Variants in CPNE1 observed in about 807,000 individuals in gnomAD.
CPNE1 encodes copine 1.
In CPNE1, 58 loss-of-function variants were observed where a neutral mutation model predicts 63.2. The observed-to-expected ratio is 0.92, with a 90% confidence interval of 0.74 to 1.14. CPNE1 has a LOEUF of 1.14. CPNE1 is among the 50% of genes most tolerant of loss of function. The pLI, the probability that CPNE1 is intolerant of heterozygous loss-of-function variation, is 0.00. For synonymous variants in CPNE1, 237 were observed against 249.0 expected (o/e 0.95, Z 0.45); for missense variants, 672 against 661.7 (o/e 1.02, Z -0.17).
intron 1 of CPNE1, among the ~76,000 whole-genome samples, chr20:35,646,109 C>G (rs1472459927): frequency 6.8e-6 from 1 of 147,980 alleles, no homozygotes; most frequent in Non-Finnish European, 1.5e-5. Context: ...CAGCAATTAC[C>G]TCATCTCTAC....
At chr20:35,658,491 C>T (rs1396787533) in intron 1 of CPNE1, among the ~76,000 whole-genome samples, 3 of 151,944 alleles carry the variant, frequency 2.0e-5, no homozygotes, top group African/African-American at 7.3e-5. Context: ...GCCTGGGTGG[C>T]GGCTCATGCC....
intron 14 of CPNE1, 71 bp downstream of exon 14, chr20:35,627,209 A>AAAAAAAT: frequency 2.4e-6 from 3 of 1,259,730 alleles, no homozygotes; most frequent in Non-Finnish European, 3.2e-6. Flanking sequence ...AAAAAAAAAA[A>AAAAAAAT]GTCCTTTGTT....
intron 1 of CPNE1, chr20:35,653,954 C>T: frequency 6.2e-7 from 1 of 1,614,148 alleles, no homozygotes; most frequent in Non-Finnish European, 8.5e-7. Context: ...ATACTATCTT[C>T]CACAATATCC....
At chr20:35,662,507 T>G (rs972708904) in intron 1 of CPNE1, among the ~76,000 whole-genome samples, 1 of 152,224 alleles carries the variant, frequency 6.6e-6, no homozygotes, top group African/African-American at 2.4e-5. Context: ...TAAGCACTTG[T>G]GGGCCAGACA....
intron 1 of CPNE1, among the ~76,000 whole-genome samples, chr20:35,660,463 C>T (rs1273760703): frequency 6.6e-6 from 1 of 152,180 alleles, no homozygotes; most frequent in East Asian, 1.9e-4. Context: ...AAGTGATCCA[C>T]CCGCCTCAGC....
rs187720496 is a variant in CPNE1 at position 35,630,582 on chromosome 20, C to T, written c.1051-92G>A. ...GCGTGTGCCAAGATTCCTATAGGAG[C>T]TATGGAGTCCTGAGCACTTGCTGTC... is the stretch of plus-strand genomic sequence containing the variant. On this transcript the variant is annotated intron_variant, in intron 12 of 15. Transcript: ENST00000397443. 3.4e-6 allele frequency: 5 copies of T among 1,486,764 alleles called. No homozygotes were observed. The African/African-American group carries it at 6.9e-5, about 21-fold the overall frequency. The allele number at this position is 1,486,764 out of a possible 1,614,324, so 92.1% of individuals were successfully genotyped here.
intron 1 of CPNE1, among the ~76,000 whole-genome samples, chr20:35,646,268 A>AG (rs1432879570): frequency 6.8e-6 from 1 of 146,368 alleles, no homozygotes; most frequent in Non-Finnish European, 1.5e-5. Context: ...AAAAAAAAAA[A>AG]AAAAAAAAAA....
chr20:35,658,838 CAA>C (rs1491434401), intron 1 of CPNE1: 1 of 605,318 alleles, frequency 1.7e-6, no homozygotes, highest in Non-Finnish European at 3.0e-6. Context: ...CACACACACA[CAA>C]TATAGTTGCT....
At chr20:35,658,073 TAAAAATTTAAAA>T (rs1028737343) in intron 1 of CPNE1, among the ~76,000 whole-genome samples, 13 of 150,336 alleles carry the variant, frequency 8.6e-5, no homozygotes, top group Non-Finnish European at 1.5e-4. Flanking sequence ...ATAAAACAAA[TAAAAATTTAAAA>T]AAAAATTTAA....
At chr20:35,654,114 G>T (rs377668053) in intron 1 of CPNE1, 2 of 1,614,188 alleles carry the variant, frequency 1.2e-6, no homozygotes, top group Admixed American at 1.7e-5. Flanking sequence ...TCTGAGGAGG[G>T]GGATGAGTTT....
intron 1 of CPNE1, among the ~76,000 whole-genome samples, chr20:35,659,956 A>T (rs2034138194): frequency 6.6e-6 from 1 of 152,234 alleles, no homozygotes; most frequent in Admixed American, 6.5e-5. Flanking sequence ...TGCTCATCTT[A>T]AATTAGTATC....
intron 1 of CPNE1, among the ~76,000 whole-genome samples, chr20:35,660,402 A>C (rs990684014): frequency 2.6e-5 from 4 of 152,088 alleles, no homozygotes; most frequent in African/African-American, 9.7e-5. Flanking sequence ...TTTTTAGTAG[A>C]GACAGGGGTT....
Position 35,631,254 on chromosome 20 carries a change from G to C in CPNE1, c.801+14C>G. ...CAGGAATCAGAGCCTTGGTTACATGGGCTTTTGTCTCACCCGACAAATCTT... is the reference window on the plus strand; with the variant it reads ...CAGGAATCAGAGCCTTGGTTACATGCGCTTTTGTCTCACCCGACAAATCTT... On this transcript the variant is annotated intron_variant, in intron 9 of 15. Transcript: ENST00000397443. The C allele has an allele frequency of 6.2e-7, 1 of 1,613,984 alleles. No individual in the cohort carries two copies. Among genetic ancestry groups the C allele is most frequent in the Non-Finnish European group, 8.5e-7 (1 of 1,179,848 alleles).
At chr20:35,656,648 C>T (rs1287074707) in intron 1 of CPNE1, among the ~76,000 whole-genome samples, 1 of 152,180 alleles carries the variant, frequency 6.6e-6, no homozygotes, top group Non-Finnish European at 1.5e-5. Flanking sequence ...AATTCTCCTG[C>T]CTCAGCCTCC....
chr20:35,653,389 C>T, intron 1 of CPNE1: 1 of 1,614,182 alleles, frequency 6.2e-7, no homozygotes, highest in South Asian at 1.1e-5. Flanking sequence ...TGCAGGATTA[C>T]CTGGCACAGG....
At chr20:35,651,877 G>A (rs1193019427) in intron 1 of CPNE1, 5 of 152,458 alleles carry the variant, frequency 3.3e-5, no homozygotes, top group Non-Finnish European at 7.4e-5. Flanking sequence ...ACGAAGTGTG[G>A]ACTTTTATAT....
chr20:35,637,595 C>CCCAA (rs1017861823), intron 1 of CPNE1, among the ~76,000 whole-genome samples: 2 of 142,100 alleles, frequency 1.4e-5, no homozygotes, highest in African/African-American at 5.4e-5. Context: ...GCCTGTTTTC[C>CCCAA]CCAAGGATTT....
At chr20:35,636,482 A>T (rs1202471549) in intron 1 of CPNE1, among the ~76,000 whole-genome samples, 5 of 152,254 alleles carry the variant, frequency 3.3e-5, no homozygotes, top group Non-Finnish European at 7.3e-5. Flanking sequence ...AGCCAGAACT[A>T]TATTATATTG....
chr20:35,655,285 A>G, intron 1 of CPNE1: 1 of 1,612,350 alleles, frequency 6.2e-7, no homozygotes, highest in Non-Finnish European at 8.5e-7. Flanking sequence ...GGTCCCCGCC[A>G]CAATTGGGAG....
Sources: gnomAD v4.1 joint callset for allele counts (sites outside exome capture counted in the v4.1 genomes callset) on GRCh38, gnomAD v4.1.1 for gene constraint, MANE v1.5 for transcripts, NCBI Gene and HGNC (gene_info 2026-07-23, HGNC 2026-07-21) for gene names.